Variants in GPR158 observed in about 807,000 individuals in gnomAD.
The protein encoded by GPR158 is G protein-coupled receptor 158, also known as metabotropic glycine receptor.
In GPR158, 30 loss-of-function variants were observed where a neutral mutation model predicts 78.2. That is an observed-to-expected ratio of 0.38 (90% CI 0.29 to 0.52). The LOEUF is 0.52. GPR158 is among the 20% of genes least tolerant of loss of function. GPR158 has a pLI of 0.83. For synonymous variants in GPR158, 581 were observed against 591.1 expected, an observed-to-expected ratio of 0.98 and a Z score of 0.25; for missense variants, 1,463 against 1,523.5, an observed-to-expected ratio of 0.96 and a Z score of 0.66.
chr10:25,511,040 CT>C (rs925364817), intron 5 of GPR158, among the ~76,000 whole-genome samples: 7 of 152,114 alleles, frequency 4.6e-5, no homozygotes, highest in African/African-American at 1.2e-4. Context: ...AGAATGACTT[CT>C]TTTTTTCTGG....
At chr10:25,363,679 T>A (rs1855675228) in intron 2 of GPR158, among the ~76,000 whole-genome samples, 1 of 151,878 alleles carries the variant, frequency 6.6e-6, no homozygotes, top group Non-Finnish European at 1.5e-5. Context: ...TTTCATGGGG[T>A]GATGCCAGAG....
chr10:25,481,420 G>A (rs1193821253), intron 5 of GPR158, among the ~76,000 whole-genome samples: 1 of 152,168 alleles, frequency 6.6e-6, no homozygotes, highest in Admixed American at 6.5e-5. Flanking sequence ...GTATAAACCA[G>A]ATATCTGGAT....
intron 2 of GPR158, among the ~76,000 whole-genome samples, chr10:25,300,156 T>C (rs1008440085): frequency 3.3e-5 from 5 of 152,226 alleles, no homozygotes; most frequent in Non-Finnish European, 7.3e-5. Context: ...ATTACAAGTC[T>C]GACACAGCTC....
At chr10:25,556,349 G>A (rs16926087) in intron 6 of GPR158, among the ~76,000 whole-genome samples, 5,264 of 152,232 alleles carry the variant, frequency 0.035, 307 homozygotes, top group African/African-American at 0.12. Context: ...GTTTCAAAAC[G>A]GTTTTAGCCA....
At chr10:25,294,238 CT>C (rs932584296) in intron 2 of GPR158, among the ~76,000 whole-genome samples, 63 of 151,658 alleles carry the variant, frequency 4.2e-4, no homozygotes, top group African/African-American at 1.2e-3. Flanking sequence ...AATAAAACAT[CT>C]TTTTTTTTCT....
intron 2 of GPR158, among the ~76,000 whole-genome samples, chr10:25,251,598 T>G (rs1853800625): frequency 3.3e-5 from 5 of 150,564 alleles, no homozygotes; most frequent in Admixed American, 3.3e-4. Context: ...GATATGAAAT[T>G]CTGGGTTGAA....
At chr10:25,497,441 A>G (rs975783001) in intron 5 of GPR158, among the ~76,000 whole-genome samples, 7 of 152,218 alleles carry the variant, frequency 4.6e-5, no homozygotes, top group Non-Finnish European at 7.3e-5. Context: ...CAGTGGAACA[A>G]CTTAGAAGTT....
chr10:25,358,489 G>A (rs1315919757), intron 2 of GPR158, among the ~76,000 whole-genome samples: 2 of 152,014 alleles, frequency 1.3e-5, no homozygotes, highest in Non-Finnish European at 2.9e-5. Context: ...TCTTTCCTGT[G>A]CTGTTCATGT....
rs957696792 is a variant in GPR158, at chr10:25,599,143, C to T, written c.3517C>T (p.Pro1173Ser). The change falls in exon 11 of 11, where the codon CCT becomes TCT. Residue 1173 changes from proline (P) to serine (S), a missense_variant. By Grantham distance (74) the Pro-to-Ser change is moderately conservative. Coordinates refer to ENST00000376351, the MANE Select transcript of GPR158 (RefSeq NM_020752.3). ...TTTAACATCACGAGCAGAGGTTTGTCCTTGGGAGTTTGAGACCCCAGCTCA... is the reference window on the plus strand; with the variant it reads ...TTTAACATCACGAGCAGAGGTTTGTTCTTGGGAGTTTGAGACCCCAGCTCA... ...QPLTSRAEVC[P>S]WEFETPAQPN... 3.7e-6 allele frequency: 6 copies of T among 1,611,144 alleles called. No homozygotes were observed. The highest frequency in any genetic ancestry group is 2.2e-5 in the East Asian group (1 of 44,880).
chr10:25,464,563 G>T (rs1309237778), intron 4 of GPR158, among the ~76,000 whole-genome samples: 1 of 152,130 alleles, frequency 6.6e-6, no homozygotes, highest in Non-Finnish European at 1.5e-5. Context: ...ATTTAATAAG[G>T]TAAAGATTAA....
chr10:25,568,623 T>C (rs988640545), intron 6 of GPR158, among the ~76,000 whole-genome samples: 1 of 152,140 alleles, frequency 6.6e-6, no homozygotes. Context: ...GTGAGCTATA[T>C]AGCTTGAACC....
chr10:25,253,108 C>G (rs61855493), intron 2 of GPR158, among the ~76,000 whole-genome samples: 4 of 145,036 alleles, frequency 2.8e-5, no homozygotes, highest in African/African-American at 5.0e-5. Flanking sequence ...TTCTTTGACT[C>G]GGAAAGGGAA....
intron 7 of GPR158, among the ~76,000 whole-genome samples, chr10:25,586,636 A>G (rs1837273009): frequency 6.6e-6 from 1 of 151,908 alleles, no homozygotes; most frequent in South Asian, 2.1e-4. Flanking sequence ...CTTGTCTTGA[A>G]CTACTGACCA....
chr10:25,515,262 C>A (rs1009115723), intron 5 of GPR158, among the ~76,000 whole-genome samples: 1 of 151,874 alleles, frequency 6.6e-6, no homozygotes, highest in African/African-American at 2.4e-5. Flanking sequence ...CAAGTTCTTT[C>A]TTCTACTTGT....
chr10:25,433,531 G>GTGTGTGTGTGTGTGT (rs1554803586), intron 4 of GPR158, among the ~76,000 whole-genome samples: 1 of 140,290 alleles, frequency 7.1e-6, no homozygotes, highest in African/African-American at 2.7e-5. Flanking sequence ...TTTAGTTAGG[G>GTGTGTGTGTGTGTGT]GTGTGTGTGT....
At chr10:25,588,355 C>A (rs1837298004) in intron 7 of GPR158, among the ~76,000 whole-genome samples, 1 of 152,188 alleles carries the variant, frequency 6.6e-6, no homozygotes, top group Admixed American at 6.6e-5. Flanking sequence ...TCGTTCTTAG[C>A]TGCTACACTG....
chr10:25,388,202 G>C (rs1043207742), intron 2 of GPR158, among the ~76,000 whole-genome samples: 1 of 152,206 alleles, frequency 6.6e-6, no homozygotes, highest in Non-Finnish European at 1.5e-5. Flanking sequence ...TTATTCAGGG[G>C]TACAATAATG....
At chr10:25,373,357 G>A (rs1440503635) in intron 2 of GPR158, among the ~76,000 whole-genome samples, 1 of 151,896 alleles carries the variant, frequency 6.6e-6, no homozygotes, top group Non-Finnish European at 1.5e-5. Flanking sequence ...TAGTACCTGG[G>A]TGGCCAAATA....
chr10:25,510,175 A>C (rs1836065286), intron 5 of GPR158, among the ~76,000 whole-genome samples: 1 of 152,228 alleles, frequency 6.6e-6, no homozygotes, highest in South Asian at 2.1e-4. Flanking sequence ...TCTTTGGAAA[A>C]TAGAGTCTTC....
Sources: allele counts gnomAD v4.1 joint callset (sites outside exome capture counted in the v4.1 genomes callset), GRCh38; gene constraint gnomAD v4.1.1; transcripts MANE v1.5; gene names NCBI Gene and HGNC (gene_info 2026-07-23, HGNC 2026-07-21).